L3MBTL2: variants seen among roughly 807,000 people sequenced by gnomAD.
L3MBTL2 encodes lethal(3)malignant brain tumor-like protein 2.
In L3MBTL2, 49 loss-of-function variants were observed where a neutral mutation model predicts 86.4. The ratio of observed to expected loss-of-function variants is 0.57; its 90% CI spans 0.45 to 0.72. The LOEUF is 0.72. Ranked by LOEUF, L3MBTL2 falls within the 30% of genes least tolerant of loss-of-function variation. L3MBTL2 has a pLI of 0.00. For synonymous variants in L3MBTL2, 336 were observed against 350.6 expected (o/e 0.96, Z 0.47); for missense variants, 755 against 923.7 (o/e 0.82, Z 2.37).
At position 41,227,544 on chromosome 22, in the gene L3MBTL2, C is replaced by A; in HGVS notation, c.1822+221C>A. 1 of 1,512,396 alleles carries A rather than the reference C, an allele frequency of 6.6e-7. No homozygotes were observed. The highest frequency in any genetic ancestry group is 9.0e-7 in the Non-Finnish European group (1 of 1,113,002). The allele number at this position is 1,512,396 out of a possible 1,614,324, so 93.7% of individuals were successfully genotyped here. A position where few individuals can be genotyped will look rare whatever the true frequency, so the allele number is the denominator to read the frequency against. On this transcript the variant is annotated intron_variant, in intron 14 of 16. Coordinates refer to ENST00000216237, the MANE Select transcript of L3MBTL2 (RefSeq NM_031488.5). The surrounding 1 kb of genome is among the most constrained non-coding windows in gnomAD (Gnocchi z 6.0). Reference sequence around the variant, plus strand: ...AGCTCCTTCCTTCATCTTGCCCACTCTGTCATATGTTCGTGCCCTTGTGCA... The same window carrying A: ...AGCTCCTTCCTTCATCTTGCCCACTATGTCATATGTTCGTGCCCTTGTGCA...
intron 4 of L3MBTL2, among the ~76,000 whole-genome samples, 194 bp downstream of exon 4, chr22:41,216,456 AC>A (rs1396486705): frequency 6.6e-6 from 1 of 151,896 alleles, no homozygotes; most frequent in Non-Finnish European, 1.5e-5. Context: ...GCCTTCAAAC[AC>A]CCTTAAATTA....
rs1425005843 is a variant in L3MBTL2 at position 41,221,226 on chromosome 22, AG to A, written c.884del (p.Gly295AlafsTer4). 2 of 1,551,066 alleles carry A rather than the reference AG, an allele frequency of 1.3e-6. No homozygotes were observed. Among genetic ancestry groups the A allele is most frequent in the African/African-American group, 2.7e-5 (2 of 73,068 alleles). ...ATCCATGCCAAGTTCACCGACTGGAAGGGCTACCTCATGAAACGGCTGGTGG... is the reference window on the plus strand; with the variant it reads ...ATCCATGCCAAGTTCACCGACTGGAAGGCTACCTCATGAAACGGCTGGTGG... Reference protein sequence around the residue: ...RTIHAKFTDWKGYLMKRLVGS... With the variant: ...RTIHAKFTDWXGYLMKRLVGS... On this transcript the variant is annotated frameshift_variant, in exon 8 of 17. Transcript: ENST00000216237. LOFTEE classifies it high-confidence loss of function.
At chr22:41,212,619 G>A (rs1016886487) in intron 2 of L3MBTL2, among the ~76,000 whole-genome samples, 9 of 152,066 alleles carry the variant, frequency 5.9e-5, no homozygotes, top group Admixed American at 2.0e-4. Flanking sequence ...TCACGGGCCA[G>A]GCATGGTGGC....
chr22:41,208,669 G>A (rs1488071562), intron 1 of L3MBTL2, among the ~76,000 whole-genome samples: 2 of 152,114 alleles, frequency 1.3e-5, no homozygotes, highest in African/African-American at 4.8e-5. Context: ...GAGCAGTCTA[G>A]GTCCCAAATT....
Position 41,220,715 on chromosome 22 carries a change from C to T in L3MBTL2, c.719-19C>T, listed in dbSNP as rs1569146136. The T allele has an allele frequency of 6.2e-7, 1 of 1,603,166 alleles. No individual in the cohort carries two copies. Among genetic ancestry groups the T allele is most frequent in the South Asian group, 1.1e-5 (1 of 90,554 alleles). Reference sequence around the variant, plus strand: ...CCCAGCTCACCCTCCCTCACAGGTGCCCTTTCCTTTCCTTTCAGGGTATCG... The same window carrying T: ...CCCAGCTCACCCTCCCTCACAGGTGTCCTTTCCTTTCCTTTCAGGGTATCG... On this transcript the variant is annotated intron_variant, in intron 6 of 16. Transcript: ENST00000216237.
At position 41,225,463 on chromosome 22, in the gene L3MBTL2, T is replaced by C. The variant is rs1306951471; in HGVS notation, c.1357-331T>C. On this transcript the variant is annotated intron_variant, in intron 11 of 16. Coordinates refer to ENST00000216237, the MANE Select transcript of L3MBTL2 (RefSeq NM_031488.5). The surrounding 1 kb of genome is among the most constrained non-coding windows in gnomAD (Gnocchi z 4.1). ...TCCTGAGCAGCACCCCCACCCCTCC[T>C]TGGCCCTCCTGGAGGAGGCTGCTGA... is the stretch of plus-strand genomic sequence containing the variant. 2.0e-5 allele frequency among the ~76,000 whole-genome samples: 3 copies of C among 152,062 alleles called. No homozygotes were observed. The East Asian group carries it at 5.8e-4, about 29-fold the overall frequency.
chr22:41,205,766 T>C (rs2030162491), intron 1 of L3MBTL2, among the ~76,000 whole-genome samples: 2 of 152,118 alleles, frequency 1.3e-5, no homozygotes, highest in African/African-American at 4.8e-5. Flanking sequence ...CATCACTCCT[T>C]GTCTGTAACG....
intron 3 of L3MBTL2, 65 bp from the exon 4 acceptor site, chr22:41,216,071 TGGC>T: frequency 2.0e-6 from 3 of 1,528,390 alleles, no homozygotes; most frequent in Non-Finnish European, 2.7e-6. Context: ...GACTTCAACT[TGGC>T]GGCCCAAATC....
intron 8 of L3MBTL2, among the ~76,000 whole-genome samples, chr22:41,223,106 G>T (rs1046249058): frequency 6.6e-6 from 1 of 152,178 alleles, no homozygotes; most frequent in African/African-American, 2.4e-5. Flanking sequence ...CAGGCAATTG[G>T]TGTCAGGACG....
intron 1 of L3MBTL2, among the ~76,000 whole-genome samples, chr22:41,207,832 A>T (rs905725463): frequency 1.4e-5 from 2 of 144,010 alleles, no homozygotes; most frequent in Non-Finnish European, 3.0e-5. Flanking sequence ...TGCCACCACC[A>T]CCCAGCTTTT....
At position 41,225,053 on chromosome 22, in the gene L3MBTL2, C is replaced by T. The variant is rs148585153; in HGVS notation, c.1338C>T (p.Cys446=). The part of the protein sequence containing the change: ...AIDPLNLGNI[C]VATVCKVLLD... ...ACCCCCTGAATCTGGGCAACATCTGCGTGGCAACTGTCTGTAAGGTGAGCC... is the reference window on the plus strand; with the variant it reads ...ACCCCCTGAATCTGGGCAACATCTGTGTGGCAACTGTCTGTAAGGTGAGCC... Residue 446 remains cysteine, a synonymous_variant, in exon 11 of 17, where the codon TGC becomes TGT. Coordinates refer to ENST00000216237, the MANE Select transcript of L3MBTL2 (RefSeq NM_031488.5). The surrounding 1 kb of genome is among the most constrained non-coding windows in gnomAD (Gnocchi z 4.1). 1.4e-4 allele frequency: 228 copies of T among 1,613,852 alleles called. No individual in the cohort carries two copies. The African/African-American group carries it at 2.4e-3, about 17-fold the overall frequency.
chr22:41,220,426 G>A (rs745699352), intron 6 of L3MBTL2, among the ~76,000 whole-genome samples: 8 of 151,956 alleles, frequency 5.3e-5, no homozygotes, highest in Non-Finnish European at 8.8e-5. Context: ...GGTGGCTCAC[G>A]CCTGTAATCC....
At position 41,225,993 on chromosome 22, in the gene L3MBTL2, G is replaced by A; in HGVS notation, c.1504+52G>A. 1 of 1,590,430 alleles carries A rather than the reference G, an allele frequency of 6.3e-7. No individual in the cohort carries two copies. The highest frequency in any genetic ancestry group is 8.6e-7 in the Non-Finnish European group (1 of 1,167,668). ...TGTCCTTGCCATCAGAAGGGGCAGGGTGTCCAGGCGCGGTGGCTCCCGCCT... is the reference window on the plus strand; with the variant it reads ...TGTCCTTGCCATCAGAAGGGGCAGGATGTCCAGGCGCGGTGGCTCCCGCCT... On this transcript the variant is annotated intron_variant, in intron 12 of 16. Transcript: ENST00000216237. The surrounding 1 kb of genome is among the most constrained non-coding windows in gnomAD (Gnocchi z 4.1).
Position 41,230,160 on chromosome 22 carries a change from A to C in L3MBTL2, c.2027A>C (p.Glu676Ala). Residue 676 changes from glutamate to alanine, a missense_variant, in exon 17 of 17, where the codon GAA (glutamate) becomes GCA (alanine). Coordinates refer to ENST00000216237, the MANE Select transcript of L3MBTL2 (RefSeq NM_031488.5). ...PGEIIAVRVKEEHLDVASPDK... is the reference protein window; with the variant it reads ...PGEIIAVRVKAEHLDVASPDK... ...TCAGTCATTGCTGTGCGTGTGAAGGAAGAGCATCTAGACGTGGCCTCGCCC... is the reference window on the plus strand; with the variant it reads ...TCAGTCATTGCTGTGCGTGTGAAGGCAGAGCATCTAGACGTGGCCTCGCCC... 1 of 1,457,766 alleles carries C rather than the reference A, an allele frequency of 6.9e-7. No homozygotes were observed. Among genetic ancestry groups the C allele is most frequent in the African/African-American group, 1.5e-5 (1 of 66,620 alleles). The allele number at this position is 1,457,766 out of a possible 1,614,324, so 90.3% of individuals were successfully genotyped here.
intron 4 of L3MBTL2, 122 bp downstream of exon 4, chr22:41,216,384 AG>A: frequency 8.2e-7 from 1 of 1,215,862 alleles, no homozygotes. Context: ...GCCCTAAGTC[AG>A]GGTCACTGCG....
At chr22:41,217,496 C>T (rs2031480658) in intron 5 of L3MBTL2, 1 of 323,712 alleles carries the variant, frequency 3.1e-6, no homozygotes. Flanking sequence ...ACCCTTCTCT[C>T]CTTTCTCCCC....
intron 12 of L3MBTL2, 123 bp downstream of exon 12, chr22:41,226,064 G>A (rs2032163295): frequency 9.3e-7 from 1 of 1,074,304 alleles, no homozygotes; most frequent in African/African-American, 1.6e-5. Context: ...ATGACCTGAG[G>A]TCAGGAGTTT....
At chr22:41,215,992 T>C in intron 3 of L3MBTL2, 147 bp from the exon 4 acceptor site, 1 of 904,888 alleles carries the variant, frequency 1.1e-6, no homozygotes, top group Non-Finnish European at 1.6e-6. Context: ...AGGATTGTTA[T>C]TGTCATCACT....
At chr22:41,229,433 G>T in intron 15 of L3MBTL2, 107 bp from the exon 16 acceptor site, 1 of 1,277,294 alleles carries the variant, frequency 7.8e-7, no homozygotes, top group Non-Finnish European at 1.1e-6. Flanking sequence ...CCCCAAACTG[G>T]CACTTTTCCC....
Sources: gnomAD v4.1 joint callset for allele counts (sites outside exome capture counted in the v4.1 genomes callset) on GRCh38, gnomAD v4.1.1 for gene constraint, Gnocchi (gnomAD v3.1) non-coding constraint, MANE v1.5 for transcripts, NCBI Gene and HGNC (gene_info 2026-07-23, HGNC 2026-07-21) for gene names.